Variants in VRK3 observed in about 807,000 individuals in gnomAD.
VRK3 encodes VRK serine/threonine kinase 3.
Under a neutral mutation model 60.4 loss-of-function variants are expected in VRK3, and 50 were observed. The ratio of observed to expected loss-of-function variants is 0.83; its 90% CI spans 0.66 to 1.05. The LOEUF (loss-of-function observed/expected upper bound fraction) is 1.05. Among genes scored for constraint, VRK3 ranks in the 50% least tolerant of loss-of-function variants. VRK3 has a pLI of 0.00. For missense variants in VRK3, 549 were observed against 585.3 expected (o/e 0.94, Z 0.64); for synonymous variants, 246 against 227.8 (o/e 1.08, Z -0.72).
chr19:49,993,408 A>G (rs766648600), intron 9 of VRK3, among the ~76,000 whole-genome samples: 1 of 151,962 alleles, frequency 6.6e-6, no homozygotes, highest in Admixed American at 6.6e-5. Context: ...GTGTATATAT[A>G]TATTTTTGAG....
chr19:50,012,893 C>T (rs183189717), intron 3 of VRK3, among the ~76,000 whole-genome samples: 17 of 148,480 alleles, frequency 1.1e-4, no homozygotes, highest in African/African-American at 3.5e-4. Context: ...AAAGGCCGGG[C>T]GCAGTGGCTC....
chr19:50,005,114 C>T (rs1377280803), intron 5 of VRK3, among the ~76,000 whole-genome samples: 1 of 148,986 alleles, frequency 6.7e-6, no homozygotes, highest in Non-Finnish European at 1.5e-5. Flanking sequence ...TGGCCTCCAT[C>T]TCCTATCATC....
intron 9 of VRK3, among the ~76,000 whole-genome samples, chr19:49,993,719 C>T (rs2076652198): frequency 6.6e-6 from 1 of 152,104 alleles, no homozygotes; most frequent in Non-Finnish European, 1.5e-5. Context: ...ATTGTGTCTG[C>T]TGCCTGAGTG....
Position 49,982,243 on chromosome 19 carries a change from C to T in VRK3, c.1218-1230G>A, listed in dbSNP as rs963042725. On this transcript the variant is annotated intron_variant, in intron 12 of 14. Transcript: ENST00000316763. Reference sequence around the variant, plus strand: ...ATGACCAACAGCACCGTAGCTCATGCCTGAACAAAGCTGATAAAACACACG... The same window carrying T: ...ATGACCAACAGCACCGTAGCTCATGTCTGAACAAAGCTGATAAAACACACG... 7.1e-6 allele frequency: 5 copies of T among 702,518 alleles called. No individual in the cohort carries two copies. The African/African-American group carries it at 8.7e-5, about 12-fold the overall frequency. 43.5% of individuals were successfully genotyped at this position (702,518 alleles called of 1,614,324 possible). A position where few individuals can be genotyped will look rare whatever the true frequency, so the allele number is the denominator to read the frequency against.
intron 1 of VRK3, chr19:50,024,887 A>T (rs2077239936): frequency 6.6e-6 from 1 of 152,262 alleles, no homozygotes; most frequent in Non-Finnish European, 1.5e-5. Flanking sequence ...GAAACAGCAC[A>T]GCAAAAAGGC....
At chr19:50,003,544 C>A (rs1425031763) in intron 5 of VRK3, among the ~76,000 whole-genome samples, 1 of 152,132 alleles carries the variant, frequency 6.6e-6, no homozygotes, top group South Asian at 2.1e-4. Context: ...CTCAGCGAGG[C>A]CCGGGATATA....
chr19:49,988,757 A>G (rs2123077890), intron 11 of VRK3, among the ~76,000 whole-genome samples: 1 of 152,164 alleles, frequency 6.6e-6, no homozygotes, highest in East Asian at 1.9e-4. Flanking sequence ...CACTCATTCA[A>G]TCAAGCCTCA....
At chr19:49,977,552 C>G (rs2122972811) in intron 14 of VRK3, among the ~76,000 whole-genome samples, 1 of 152,232 alleles carries the variant, frequency 6.6e-6, no homozygotes, top group Admixed American at 6.5e-5. Flanking sequence ...AGCCTCTGCC[C>G]TGTGCCATGC....
At chr19:50,009,024 C>T (rs879323808) in intron 4 of VRK3, among the ~76,000 whole-genome samples, 7 of 151,996 alleles carry the variant, frequency 4.6e-5, no homozygotes, top group Non-Finnish European at 1.0e-4. Context: ...AGGGAGGGGC[C>T]GGGGCAGCTC....
chr19:50,006,408 C>T (rs1003473129), intron 5 of VRK3, among the ~76,000 whole-genome samples: 10 of 151,466 alleles, frequency 6.6e-5, no homozygotes, highest in Non-Finnish European at 1.5e-4. Flanking sequence ...CGGAGTCTCG[C>T]TCTGTCACCC....
At chr19:50,018,800 G>C (rs945046885) in intron 2 of VRK3, among the ~76,000 whole-genome samples, 1 of 152,104 alleles carries the variant, frequency 6.6e-6, no homozygotes, top group African/African-American at 2.4e-5. Flanking sequence ...GTTGACACTG[G>C]TGTCACAAGA....
intron 12 of VRK3, chr19:49,981,787 C>CACACAG (rs1286051276): frequency 5.7e-6 from 6 of 1,053,880 alleles, no homozygotes; most frequent in Non-Finnish European, 6.9e-6. Context: ...CCCAAGCACA[C>CACACAG]ACACAGACAC....
Position 50,025,353 on chromosome 19 carries a change from G to A in VRK3, c.-151C>T, listed in dbSNP as rs768424867. ...GCAGTTACCCGGACTCACCTTCTCAGTTGCCCAGCGAAAACTTCCGCTGGG... is the reference window on the plus strand; with the variant it reads ...GCAGTTACCCGGACTCACCTTCTCAATTGCCCAGCGAAAACTTCCGCTGGG... On this transcript the variant is annotated 5_prime_UTR_variant, in exon 1 of 15. Transcript: ENST00000316763. The A allele has an allele frequency of 4.6e-5, 7 of 152,356 alleles. No homozygotes were observed. In the East Asian group the frequency reaches 1.4e-3, roughly 30 times the overall value. The allele number at this position is 152,356 out of a possible 1,614,324, so 9.4% of individuals were successfully genotyped here.
intron 1 of VRK3, among the ~76,000 whole-genome samples, chr19:50,020,989 T>C (rs1349090582): frequency 6.6e-6 from 1 of 152,024 alleles, no homozygotes; most frequent in African/African-American, 2.4e-5. Flanking sequence ...GCCACAGAGG[T>C]TGGTGGGTCA....
chr19:49,983,940 C>T (rs1022962956), intron 12 of VRK3, among the ~76,000 whole-genome samples: 4 of 152,012 alleles, frequency 2.6e-5, no homozygotes, highest in African/African-American at 9.7e-5. Flanking sequence ...TGCGCCTGGC[C>T]CTCTATGGTT....
intron 12 of VRK3, chr19:49,981,759 G>C: frequency 9.7e-7 from 1 of 1,029,622 alleles, no homozygotes; most frequent in East Asian, 8.8e-5. Flanking sequence ...CACACCCAAA[G>C]GTGACCTCCC....
chr19:49,981,933 G>T, intron 12 of VRK3: 1 of 720,550 alleles, frequency 1.4e-6, no homozygotes, highest in South Asian at 2.1e-5. Context: ...GTCATGCTGT[G>T]CCTGAGAGGG....
At chr19:49,981,331 G>T in intron 12 of VRK3, 1 of 327,420 alleles carries the variant, frequency 3.1e-6, no homozygotes, top group Non-Finnish European at 5.8e-6. Context: ...TGGATCACGA[G>T]GTCAGGAGAT....
Position 50,007,670 on chromosome 19 carries a change from A to G in VRK3, c.446T>C (p.Leu149Pro). 6.2e-7 allele frequency: 1 copy of G among 1,614,102 alleles called. No individual in the cohort carries two copies. The highest frequency in any genetic ancestry group is 8.5e-7 in the Non-Finnish European group (1 of 1,180,028). Reference protein sequence around the residue: ...TLKRSRVTTSLEALPTGTVLT... With the variant: ...TLKRSRVTTSPEALPTGTVLT... Reference sequence around the variant, plus strand: ...CACTGTCCCTGTGGGCAAAGCTTCAAGTGAGGTGGTCACTCGGCTCCGCTT... The same window carrying G: ...CACTGTCCCTGTGGGCAAAGCTTCAGGTGAGGTGGTCACTCGGCTCCGCTT... The change falls in exon 5 of 15, where the codon CTT (leucine) becomes CCT (proline). Residue 149 changes from leucine to proline, a missense_variant. Physicochemically the swap from Leu to Pro is moderately conservative, Grantham distance 98. Transcript: ENST00000316763.
Sources: gnomAD v4.1 joint callset for allele counts (sites outside exome capture counted in the v4.1 genomes callset) on GRCh38, gnomAD v4.1.1 for gene constraint, MANE v1.5 for transcripts, NCBI Gene and HGNC (gene_info 2026-07-23, HGNC 2026-07-21) for gene names.